Variants in DLG5 observed in about 807,000 individuals in gnomAD.
DLG5 encodes the protein disks large homolog 5.
In DLG5, 48 loss-of-function variants were observed where a neutral mutation model predicts 189.8. The observed-to-expected ratio is 0.25, with a 90% CI of 0.20 to 0.32. The LOEUF is 0.32. DLG5 is among the 10% of genes least tolerant of loss of function. The probability of loss-of-function intolerance (pLI) is 1.00; values close to 1 mark genes in which losing one functional copy is unlikely to be tolerated. For missense variants in DLG5, 2,160 were observed against 2,544.7 expected, an observed-to-expected ratio of 0.85 and a Z score of 3.25; for synonymous variants, 1,016 against 1,054.1, an observed-to-expected ratio of 0.96 and a Z score of 0.70.
chr10:77,865,196 C>T (rs1404381484), intron 2 of DLG5, among the ~76,000 whole-genome samples: 2 of 152,136 alleles, frequency 1.3e-5, no homozygotes, highest in Admixed American at 6.5e-5. Context: ...CATTTGGGGC[C>T]GTGTTCACCG....
intron 7 of DLG5, among the ~76,000 whole-genome samples, chr10:77,838,190 T>G (rs1163051451): frequency 6.6e-6 from 1 of 152,196 alleles, no homozygotes; most frequent in African/African-American, 2.4e-5. Flanking sequence ...GTAACTGCAT[T>G]CAGGGCAGCA....
Position 77,835,838 on chromosome 10 carries a change from C to T in DLG5, c.1522G>A (p.Glu508Lys). 2 of 1,614,128 alleles carry T rather than the reference C, an allele frequency of 1.2e-6. No individual in the cohort carries two copies. The highest frequency in any genetic ancestry group is 1.7e-6 in the Non-Finnish European group (2 of 1,180,000). Residue 508 changes from glutamate to lysine, a missense_variant, in exon 8 of 32, where the codon GAG becomes AAG. By Grantham distance (56) the Glu-to-Lys change is moderately conservative (BLOSUM62 1). Coordinates refer to ENST00000372391, the MANE Select transcript of DLG5 (RefSeq NM_004747.4). ...LRKQCKALCQ[E>K]LKEALQEADV... is the part of the protein sequence containing the mutation. Reference sequence around the variant, plus strand: ...GCCTCCTGGAGGGCTTCCTTCAGCTCCTGGCACAGAGCCTTGCACTGCTTT... The same window carrying T: ...GCCTCCTGGAGGGCTTCCTTCAGCTTCTGGCACAGAGCCTTGCACTGCTTT...
intron 3 of DLG5, among the ~76,000 whole-genome samples, chr10:77,854,707 T>G (rs115835448): frequency 0.029 from 4,442 of 152,132 alleles, 222 homozygotes; most frequent in African/African-American, 0.1. Context: ...CTCTGTAGGC[T>G]CGGCGTGACA....
At chr10:77,850,911 G>A (rs1843938468) in intron 5 of DLG5, among the ~76,000 whole-genome samples, 1 of 152,224 alleles carries the variant, frequency 6.6e-6, no homozygotes, top group African/African-American at 2.4e-5. Flanking sequence ...CCTCTGAAAT[G>A]ATGATTCTCT....
At chr10:77,939,780 G>A in the DLG5 span, among the ~76,000 whole-genome samples, 1 of 152,214 alleles carries the variant, frequency 6.6e-6, no homozygotes, top group Non-Finnish European at 1.5e-5. Flanking sequence ...GTTCCTTGGA[G>A]GAAAAGCTCC....
chr10:77,833,856 G>A, intron 9 of DLG5, 58 bp downstream of exon 9: 1 of 1,589,584 alleles, frequency 6.3e-7, no homozygotes, highest in African/African-American at 1.3e-5. Context: ...CCAGAAGGGA[G>A]AGGGGCCCCA....
chr10:77,817,441 A>G (rs889755259), intron 18 of DLG5, among the ~76,000 whole-genome samples: 17 of 152,184 alleles, frequency 1.1e-4, no homozygotes, highest in Admixed American at 1.0e-3. Flanking sequence ...TCTGGGGTTC[A>G]CTTTCCATAC....
chr10:77,865,664 G>A (rs74518849), intron 2 of DLG5, among the ~76,000 whole-genome samples: 4,819 of 152,270 alleles, frequency 0.032, 259 homozygotes, highest in African/African-American at 0.11. Flanking sequence ...TGCCTGAAAC[G>A]AGTGTGCAGT....
chr10:77,835,710 C>A, intron 8 of DLG5, 28 bp downstream of exon 8: 1 of 1,588,006 alleles, frequency 6.3e-7, no homozygotes, highest in Admixed American at 1.7e-5. Context: ...GAGACGCAAG[C>A]CCACGCCAGC....
chr10:77,910,827 C>T (rs1403859551), intron 1 of DLG5, among the ~76,000 whole-genome samples: 4 of 151,996 alleles, frequency 2.6e-5, no homozygotes, highest in Non-Finnish European at 5.9e-5. Flanking sequence ...CAAAAATTAC[C>T]TGGGTGTGAT....
chr10:77,846,021 G>A (rs1383180404), intron 5 of DLG5, among the ~76,000 whole-genome samples: 1 of 151,642 alleles, frequency 6.6e-6, no homozygotes, highest in African/African-American at 2.4e-5. Flanking sequence ...GAGGTAGGCG[G>A]ATCACCTGAG....
At chr10:77,816,934 G>A (rs1438421118) in intron 19 of DLG5, 73 bp downstream of exon 19, 1 of 1,527,658 alleles carries the variant, frequency 6.5e-7, no homozygotes, top group Non-Finnish European at 9.1e-7. Context: ...TCTCAGCTAA[G>A]CCCAGAGACT....
At chr10:77,860,545 C>G (rs1211246810) in intron 2 of DLG5, among the ~76,000 whole-genome samples, 1 of 152,218 alleles carries the variant, frequency 6.6e-6, no homozygotes, top group Non-Finnish European at 1.5e-5. Flanking sequence ...GATCCACCCA[C>G]TCACCTTGGC....
intron 9 of DLG5, among the ~76,000 whole-genome samples, chr10:77,833,130 G>C (rs1842956165): frequency 6.6e-6 from 1 of 152,098 alleles, no homozygotes; most frequent in South Asian, 2.1e-4. Flanking sequence ...CTAGATTTGG[G>C]TTTTAGACCA....
At chr10:77,871,102 T>C (rs182601390) in intron 1 of DLG5, among the ~76,000 whole-genome samples, 2 of 152,196 alleles carry the variant, frequency 1.3e-5, no homozygotes, top group Non-Finnish European at 2.9e-5. Context: ...GCGTTGAGCA[T>C]GGGCTGAAGA....
Position 77,796,013 on chromosome 10 carries a change from G to C in DLG5, c.5436+48C>G. The C allele has an allele frequency of 6.2e-7, 1 of 1,613,490 alleles. No homozygotes were observed. The highest frequency in any genetic ancestry group is 8.5e-7 in the Non-Finnish European group (1 of 1,179,710). On this transcript the variant is annotated intron_variant, in intron 29 of 31. Coordinates refer to ENST00000372391, the MANE Select transcript of DLG5 (RefSeq NM_004747.4). The surrounding 1 kb of genome is among the most constrained non-coding windows in gnomAD (Gnocchi z 5.2). ...GACCAGGGGCCTAGACCTGTGCACA[G>C]GAGGTCTAATACTGGATGCCTAATC...
At chr10:77,883,512 T>C (rs745685422) in intron 1 of DLG5, among the ~76,000 whole-genome samples, 12 of 151,856 alleles carry the variant, frequency 7.9e-5, no homozygotes, top group African/African-American at 1.9e-4. Flanking sequence ...AGTCACACCA[T>C]TGAGCCTGCA....
chr10:77,931,355 C>T (rs1335661338), upstream of DLG5, among the ~76,000 whole-genome samples: 8 of 151,992 alleles, frequency 5.3e-5, 1 homozygote, highest in Admixed American at 1.3e-4. Context: ...CTCAAGTGAT[C>T]CTCCCACCTC....
chr10:77,880,539 T>A (rs971026151), intron 1 of DLG5, among the ~76,000 whole-genome samples: 2 of 152,126 alleles, frequency 1.3e-5, no homozygotes, highest in African/African-American at 4.8e-5. Context: ...GATATGCCCA[T>A]GTTGCTTAAT....
Sources: gnomAD v4.1 joint callset for allele counts (sites outside exome capture counted in the v4.1 genomes callset) on GRCh38, gnomAD v4.1.1 for gene constraint, Gnocchi (gnomAD v3.1) non-coding constraint, MANE v1.5 for transcripts, NCBI Gene and HGNC (gene_info 2026-07-23, HGNC 2026-07-21) for gene names.